GPC5: variants seen among roughly 807,000 people sequenced by gnomAD.
GPC5 encodes the protein glypican 5.
A neutral mutation model predicts 53.9 loss-of-function variants in GPC5; 47 were observed. That is an observed-to-expected ratio of 0.87 (90% CI 0.69 to 1.11). GPC5 has a LOEUF of 1.11. GPC5 is among the 50% of genes most tolerant of loss of function. GPC5 has a pLI of 0.00. For synonymous variants in GPC5, 286 were observed against 263.3 expected (o/e 1.09, Z -0.84); for missense variants, 748 against 713.1 (o/e 1.05, Z -0.56).
intron 3 of GPC5, among the ~76,000 whole-genome samples, chr13:91,726,106 G>A (rs752164212): frequency 2.6e-5 from 4 of 152,092 alleles, no homozygotes; most frequent in Non-Finnish European, 4.4e-5. Flanking sequence ...AATTTAGCAC[G>A]TTTCTAATAG....
intron 7 of GPC5, among the ~76,000 whole-genome samples, chr13:92,846,884 C>T (rs1442415771): frequency 1.3e-5 from 2 of 152,138 alleles, no homozygotes; most frequent in African/African-American, 4.8e-5. Context: ...AAAGTATGCC[C>T]ATCTCAAAGT....
At chr13:92,834,592 G>T (rs937687403) in intron 7 of GPC5, among the ~76,000 whole-genome samples, 7 of 152,134 alleles carry the variant, frequency 4.6e-5, no homozygotes, top group African/African-American at 1.7e-4. Flanking sequence ...TTGCTTCACA[G>T]GTTGACAAAG....
chr13:92,779,727 A>T (rs1594501637), intron 7 of GPC5, among the ~76,000 whole-genome samples: 1 of 152,268 alleles, frequency 6.6e-6, no homozygotes, highest in Middle Eastern at 3.4e-3. Context: ...TGTAGGTCTA[A>T]GACCTTATAC....
intron 7 of GPC5, among the ~76,000 whole-genome samples, chr13:92,682,149 T>C (rs1160840869): frequency 2.6e-5 from 4 of 152,208 alleles, no homozygotes; most frequent in East Asian, 1.9e-4. Flanking sequence ...TCTTACATTA[T>C]AAATAGACTG....
At chr13:91,798,422 A>G (rs1234192128) in intron 5 of GPC5, among the ~76,000 whole-genome samples, 1 of 152,156 alleles carries the variant, frequency 6.6e-6, no homozygotes, top group East Asian at 1.9e-4. Context: ...GCTCCTGCTT[A>G]TAAGTGAGAA....
At chr13:91,972,998 A>G (rs2040258993) in intron 6 of GPC5, among the ~76,000 whole-genome samples, 1 of 152,064 alleles carries the variant, frequency 6.6e-6, no homozygotes, top group Admixed American at 6.6e-5. Context: ...TATTTCCTGA[A>G]TCTGAATGTT....
intron 2 of GPC5, among the ~76,000 whole-genome samples, chr13:91,690,594 A>T (rs1039590678): frequency 4.6e-5 from 7 of 152,342 alleles, no homozygotes; most frequent in African/African-American, 1.7e-4. Context: ...TTTGTAAAAC[A>T]TACCTGTTAG....
chr13:92,850,847 G>C (rs1411466596), intron 7 of GPC5, among the ~76,000 whole-genome samples: 1 of 152,136 alleles, frequency 6.6e-6, no homozygotes, highest in Admixed American at 6.5e-5. Context: ...TATTGTGAAA[G>C]AAAAAGTATT....
intron 7 of GPC5, among the ~76,000 whole-genome samples, chr13:92,650,253 C>T (rs546964434): frequency 6.1e-4 from 92 of 152,042 alleles, no homozygotes; most frequent in Non-Finnish European, 1.2e-3. Context: ...CAATGCCATA[C>T]GCTTTCAGGA....
intron 7 of GPC5, among the ~76,000 whole-genome samples, chr13:92,527,211 A>AAGAAAGAAAGAAAGAAAGAAAGAAAG (rs1881363851): frequency 2.9e-5 from 1 of 34,062 alleles, no homozygotes; most frequent in Non-Finnish European, 4.6e-5. Context: ...GAAAGAAAGA[A>AAGAAAGAAAGAAAGAAAGAAAGAAAG]AGAAAGAAAG....
intron 3 of GPC5, among the ~76,000 whole-genome samples, chr13:91,697,298 A>G (rs776195945): frequency 6.6e-6 from 1 of 152,108 alleles, no homozygotes; most frequent in Admixed American, 6.5e-5. Context: ...GCCTGCCACC[A>G]TGCCCAGCTA....
intron 7 of GPC5, among the ~76,000 whole-genome samples, chr13:92,478,578 C>A (rs192049416): frequency 1.3e-5 from 2 of 152,190 alleles, no homozygotes; most frequent in Admixed American, 1.3e-4. Flanking sequence ...AATCAATAAA[C>A]TGGAATATAA....
intron 5 of GPC5, among the ~76,000 whole-genome samples, chr13:91,888,139 G>A (rs2138963285): frequency 6.6e-6 from 1 of 152,290 alleles, no homozygotes; most frequent in Middle Eastern, 3.4e-3. Flanking sequence ...CACAATCATG[G>A]CAGAAGATGT....
At chr13:92,385,118 C>T (rs1481738793) in intron 7 of GPC5, among the ~76,000 whole-genome samples, 1 of 151,786 alleles carries the variant, frequency 6.6e-6, no homozygotes, top group Non-Finnish European at 1.5e-5. Context: ...CTTCCCTTTT[C>T]CAGTCTTCAT....
intron 2 of GPC5, among the ~76,000 whole-genome samples, chr13:91,463,197 C>A (rs1882042504): frequency 6.6e-6 from 1 of 152,126 alleles, no homozygotes; most frequent in Non-Finnish European, 1.5e-5. Flanking sequence ...CTCTAGATTA[C>A]TTAAAATACT....
intron 7 of GPC5, among the ~76,000 whole-genome samples, chr13:92,826,194 T>C (rs1156975834): frequency 6.6e-6 from 1 of 152,048 alleles, no homozygotes; most frequent in African/African-American, 2.4e-5. Context: ...TTTGCATAGG[T>C]AGTTCAGGTC....
intron 7 of GPC5, among the ~76,000 whole-genome samples, chr13:92,513,610 G>A (rs1285646602): frequency 6.7e-6 from 1 of 149,880 alleles, no homozygotes; most frequent in Admixed American, 6.7e-5. Flanking sequence ...CAGGCTAAGA[G>A]AATTTCAATA....
chr13:92,006,498 T>A (rs1288817753), intron 6 of GPC5, among the ~76,000 whole-genome samples: 1 of 152,158 alleles, frequency 6.6e-6, no homozygotes, highest in African/African-American at 2.4e-5. Flanking sequence ...GTTTTGAAAC[T>A]CCACTTGTCT....
intron 2 of GPC5, among the ~76,000 whole-genome samples, chr13:91,583,233 A>C (rs2032435002): frequency 6.6e-6 from 1 of 152,136 alleles, no homozygotes; most frequent in South Asian, 2.1e-4. Context: ...AAGTAAAAGA[A>C]ATAAAAGGAA....
Sources: allele counts gnomAD v4.1 joint callset (sites outside exome capture counted in the v4.1 genomes callset), GRCh38; gene constraint gnomAD v4.1.1; transcripts MANE v1.5; gene names NCBI Gene and HGNC (gene_info 2026-07-23, HGNC 2026-07-21).